The following LHFPL3 variants were observed in gnomAD, a reference collection of about 807,000 sequenced individuals.
LHFPL3 encodes LHFPL tetraspan subfamily member 3.
Under a neutral mutation model 19.3 loss-of-function variants are expected in LHFPL3, and 5 were observed. The ratio of observed to expected loss-of-function variants is 0.26; its 90% CI spans 0.14 to 0.54. The LOEUF is 0.54. LHFPL3 is among the 20% of genes least tolerant of loss of function. The pLI is 0.94. For missense variants in LHFPL3, 249 were observed against 307.4 expected (o/e 0.81, Z 1.42); for synonymous variants, 133 against 126.2 (o/e 1.05, Z -0.36).
At chr7:104,710,155 C>T (rs991740601) in intron 1 of LHFPL3, among the ~76,000 whole-genome samples, 2 of 152,160 alleles carry the variant, frequency 1.3e-5, no homozygotes, top group Admixed American at 1.3e-4. Context: ...ACCCCATCTC[C>T]ACCAAAAAAA....
At chr7:104,473,313 A>G (rs1792946876) in intron 1 of LHFPL3, among the ~76,000 whole-genome samples, 1 of 152,230 alleles carries the variant, frequency 6.6e-6, no homozygotes, top group African/African-American at 2.4e-5. Context: ...TTCTTCACAC[A>G]GATTTCTCCA....
At chr7:104,654,019 T>G (rs1792079608) in intron 1 of LHFPL3, among the ~76,000 whole-genome samples, 1 of 152,144 alleles carries the variant, frequency 6.6e-6, no homozygotes, top group South Asian at 2.1e-4. Context: ...AAAAATATCT[T>G]AGGATGGCAC....
intron 1 of LHFPL3, among the ~76,000 whole-genome samples, chr7:104,689,511 A>C (rs932161725): frequency 1.8e-4 from 28 of 152,176 alleles, no homozygotes; most frequent in African/African-American, 5.8e-4. Flanking sequence ...CAATTTCCAG[A>C]CTTGAACCAG....
chr7:104,561,698 G>A (rs1584402847), intron 1 of LHFPL3, among the ~76,000 whole-genome samples: 2 of 151,966 alleles, frequency 1.3e-5, no homozygotes, highest in Non-Finnish European at 2.9e-5. Context: ...AGTTAATATT[G>A]TTATGTGTGA....
At chr7:104,434,726 A>C (rs1449370907) in intron 1 of LHFPL3, among the ~76,000 whole-genome samples, 2 of 152,184 alleles carry the variant, frequency 1.3e-5, no homozygotes, top group African/African-American at 4.8e-5. Context: ...TTGAAAAGTG[A>C]TTATAGGCAA....
chr7:104,780,942 G>A (rs1250379393), intron 2 of LHFPL3, among the ~76,000 whole-genome samples: 9 of 152,182 alleles, frequency 5.9e-5, no homozygotes, highest in East Asian at 5.8e-4. Context: ...GTCATCACTC[G>A]ATTTCTGACC....
chr7:104,750,574 ATTAG>A (rs1425681996), intron 2 of LHFPL3, among the ~76,000 whole-genome samples: 1 of 152,262 alleles, frequency 6.6e-6, no homozygotes, highest in Non-Finnish European at 1.5e-5. Context: ...TCTTCCCAAG[ATTAG>A]TCCTACAGTC....
chr7:104,714,880 G>A (rs115419115), intron 1 of LHFPL3, among the ~76,000 whole-genome samples: 1,852 of 152,278 alleles, frequency 0.012, 35 homozygotes, highest in African/African-American at 0.042. Context: ...GCGTTTGTGT[G>A]TGTGTGCGCA....
intron 1 of LHFPL3, among the ~76,000 whole-genome samples, chr7:104,623,664 A>C (rs1040539446): frequency 6.6e-6 from 1 of 152,206 alleles, no homozygotes; most frequent in Non-Finnish European, 1.5e-5. Context: ...TCCACCTTCA[A>C]ATTTTCAAAC....
At chr7:104,475,138 C>T (rs1370106885) in intron 1 of LHFPL3, among the ~76,000 whole-genome samples, 1 of 152,202 alleles carries the variant, frequency 6.6e-6, no homozygotes, top group Non-Finnish European at 1.5e-5. Context: ...TATTCATTTA[C>T]TAAGTTCTTA....
chr7:104,498,426 A>G (rs1379935377), intron 1 of LHFPL3, among the ~76,000 whole-genome samples: 1 of 152,076 alleles, frequency 6.6e-6, no homozygotes, highest in Non-Finnish European at 1.5e-5. Context: ...AAGAACATTT[A>G]ATCGCCAGTG....
In LHFPL3 at chr7:104,816,835, C is replaced by A. The variant is rs191517775; in HGVS notation, c.682+79924C>A. ...TCCCTGCTGGCCTCCTAGCCTCGGG[C>A]TGCTTTAACTCCATTGTATTTGTCA... On this transcript the variant is annotated intron_variant, in intron 2 of 2. Coordinates refer to ENST00000424859, the MANE Select transcript of LHFPL3 (RefSeq NM_199000.3). Among the ~76,000 whole-genome samples the A allele has an allele frequency of 3.5e-3, 531 of 152,326 alleles. 8 individuals carry two copies. Among genetic ancestry groups the A allele is most frequent in the African/African-American group, 0.012 (504 of 41,554 alleles).
intron 1 of LHFPL3, among the ~76,000 whole-genome samples, chr7:104,725,138 C>A (rs1320166464): frequency 6.6e-6 from 1 of 152,212 alleles, no homozygotes; most frequent in Non-Finnish European, 1.5e-5. Flanking sequence ...GCTTGCCATT[C>A]TTATTCTCCT....
intron 2 of LHFPL3, among the ~76,000 whole-genome samples, chr7:104,776,837 A>G (rs538322166): frequency 2.0e-5 from 3 of 152,232 alleles, no homozygotes; most frequent in Non-Finnish European, 4.4e-5. Context: ...TCTACATTGT[A>G]AAAAACAATC....
intron 2 of LHFPL3, among the ~76,000 whole-genome samples, chr7:104,882,232 CATTT>C (rs1397978276): frequency 2.0e-5 from 3 of 152,110 alleles, no homozygotes; most frequent in African/African-American, 4.8e-5. Flanking sequence ...CACTACATTT[CATTT>C]ATTTATTTAT....
At position 104,826,082 on chromosome 7, in the gene LHFPL3, G is replaced by T. The variant is rs1441189582; in HGVS notation, c.683-80105G>T. Among the ~76,000 whole-genome samples, 3 of 151,934 alleles carry T rather than the reference G, an allele frequency of 2.0e-5. 1 individual carries two copies. Among genetic ancestry groups the T allele is most frequent in the African/African-American group, 7.3e-5 (3 of 41,212 alleles). On this transcript the variant is annotated intron_variant, in intron 2 of 2. Coordinates refer to ENST00000424859, the MANE Select transcript of LHFPL3 (RefSeq NM_199000.3). ...ATGTAAAGCACCTAGCAAATAGAAG[G>T]TACTACATGAATAATAACTGTTATT... is the stretch of plus-strand genomic sequence containing the variant.
At chr7:104,739,212 A>C (rs927318317) in intron 2 of LHFPL3, among the ~76,000 whole-genome samples, 1 of 152,224 alleles carries the variant, frequency 6.6e-6, no homozygotes, top group Non-Finnish European at 1.5e-5. Flanking sequence ...TCAAACCTGC[A>C]TGTTCCTGGG....
chr7:104,637,791 G>A (rs1434865073), intron 1 of LHFPL3, among the ~76,000 whole-genome samples: 1 of 132,454 alleles, frequency 7.5e-6, no homozygotes, highest in African/African-American at 2.8e-5. Context: ...TAGCCCTTTA[G>A]TATAGTTTGA....
rs201999868 is a variant in LHFPL3, at chr7:104,360,680, T to A, written c.445+31456T>A. Among the ~76,000 whole-genome samples, 19 of 145,262 alleles carry A rather than the reference T, an allele frequency of 1.3e-4. No individual in the cohort carries two copies. The South Asian group carries it at 2.9e-3, about 22-fold the overall frequency. On this transcript the variant is annotated intron_variant, in intron 1 of 2. Coordinates refer to ENST00000424859, the MANE Select transcript of LHFPL3 (RefSeq NM_199000.3). Reference sequence around the variant, plus strand: ...TCCACAGTGAGTTGTTGGGTTTTTTTAAAAAAGTGCTTCCGTGTGTGTGTG... The same window carrying A: ...TCCACAGTGAGTTGTTGGGTTTTTTAAAAAAAGTGCTTCCGTGTGTGTGTG...
Sources: gnomAD v4.1 joint callset for allele counts (sites outside exome capture counted in the v4.1 genomes callset) on GRCh38, gnomAD v4.1.1 for gene constraint, MANE v1.5 for transcripts, NCBI Gene and HGNC (gene_info 2026-07-23, HGNC 2026-07-21) for gene names.